MDGA2: variants seen among roughly 807,000 people sequenced by gnomAD.
MDGA2 encodes the protein MAM domain containing glycosylphosphatidylinositol anchor 2.
Under a neutral mutation model 117.8 loss-of-function variants are expected in MDGA2, and 40 were observed. The ratio of observed to expected loss-of-function variants is 0.34; its 90% CI spans 0.26 to 0.44. The LOEUF (loss-of-function observed/expected upper bound fraction) is 0.44, where lower values mean the gene tolerates loss of function less well. Among genes scored for constraint, MDGA2 ranks in the 20% least tolerant of loss-of-function variants. The probability of loss-of-function intolerance (pLI) is 1.00; values close to 1 mark genes in which losing one functional copy is unlikely to be tolerated. For missense variants in MDGA2, 1,123 were observed against 1,250.6 expected (o/e 0.90, Z 1.54); for synonymous variants, 452 against 439.0 (o/e 1.03, Z -0.37).
chr14:47,017,475 T>A (rs1439083276), intron 8 of MDGA2, among the ~76,000 whole-genome samples: 1 of 151,806 alleles, frequency 6.6e-6, no homozygotes, highest in East Asian at 1.9e-4. Flanking sequence ...GATAGAGCCA[T>A]AAAAAGGGAA....
At chr14:47,064,521 A>G (rs1187283323) in intron 6 of MDGA2, among the ~76,000 whole-genome samples, 1 of 152,108 alleles carries the variant, frequency 6.6e-6, no homozygotes, top group African/African-American at 2.4e-5. Flanking sequence ...TACTTAGCTC[A>G]GAAAACTAAG....
At position 46,896,697 on chromosome 14, in the gene MDGA2, T is replaced by C. The variant is rs150391731; in HGVS notation, c.2239-14476A>G. On this transcript the variant is annotated intron_variant, in intron 10 of 16. Coordinates refer to ENST00000399232, the MANE Select transcript of MDGA2 (RefSeq NM_001113498.3). Reference sequence around the variant, plus strand: ...TATACGTTTTCTTTGAGTCTTAGAATATTCAAAATTTAAAATTACCTGAAA... The same window carrying C: ...TATACGTTTTCTTTGAGTCTTAGAACATTCAAAATTTAAAATTACCTGAAA... Among the ~76,000 whole-genome samples, 453 of 152,258 alleles carry C rather than the reference T, an allele frequency of 3.0e-3. 2 individuals are homozygous for C. The highest frequency in any genetic ancestry group is 5.3e-3 in the Non-Finnish European group (359 of 68,004).
intron 8 of MDGA2, among the ~76,000 whole-genome samples, chr14:46,985,776 C>G (rs1250605000): frequency 6.6e-6 from 1 of 152,034 alleles, no homozygotes; most frequent in Non-Finnish European, 1.5e-5. Context: ...TCAAAGAACA[C>G]TTTTACGGAC....
At chr14:47,132,228 A>G (rs1882240042) in intron 4 of MDGA2, among the ~76,000 whole-genome samples, 1 of 151,964 alleles carries the variant, frequency 6.6e-6, no homozygotes, top group Admixed American at 6.6e-5. Context: ...CAAACACTGC[A>G]ATCTATTCAG....
intron 1 of MDGA2, among the ~76,000 whole-genome samples, chr14:47,651,109 A>G (rs752079013): frequency 2.0e-5 from 3 of 152,124 alleles, no homozygotes; most frequent in Non-Finnish European, 4.4e-5. Context: ...TATGTTAACT[A>G]GCCTATGGTA....
chr14:46,988,363 C>T (rs565424919), intron 8 of MDGA2, among the ~76,000 whole-genome samples: 6 of 151,948 alleles, frequency 3.9e-5, no homozygotes, highest in African/African-American at 1.2e-4. Context: ...AATTTTGATT[C>T]GACAACTGAG....
chr14:46,969,731 C>G (rs1886181569), intron 8 of MDGA2, among the ~76,000 whole-genome samples: 1 of 151,008 alleles, frequency 6.6e-6, no homozygotes. Context: ...GGGAATTGAA[C>G]AAGGAGAACA....
chr14:47,253,543 G>A (rs1887516082), intron 2 of MDGA2, among the ~76,000 whole-genome samples: 1 of 152,252 alleles, frequency 6.6e-6, no homozygotes, highest in Non-Finnish European at 1.5e-5. Context: ...GCATGCTGAT[G>A]CAAGAGGTGG....
intron 14 of MDGA2, among the ~76,000 whole-genome samples, chr14:46,864,801 T>C (rs1393330618): frequency 6.6e-6 from 1 of 151,982 alleles, no homozygotes. Context: ...TATTCCCTAA[T>C]ATCTAAATGG....
Position 47,354,123 on chromosome 14 carries a change from C to A in MDGA2, c.281-52573G>T, listed in dbSNP as rs535328326. Among the ~76,000 whole-genome samples, 4 of 152,190 alleles carry A rather than the reference C, an allele frequency of 2.6e-5. No homozygotes were observed. In the South Asian group the frequency reaches 8.3e-4, roughly 32 times the overall value. On this transcript the variant is annotated intron_variant, in intron 1 of 16. Coordinates refer to ENST00000399232, the MANE Select transcript of MDGA2 (RefSeq NM_001113498.3). Reference sequence around the variant, plus strand: ...TCAACATCCTATCATGAGAAAAATTCTCAACAAATTAGGTATAGAAGGAAA... The same window carrying A: ...TCAACATCCTATCATGAGAAAAATTATCAACAAATTAGGTATAGAAGGAAA...
intron 5 of MDGA2, among the ~76,000 whole-genome samples, chr14:47,101,082 T>TAGAA (rs764900061): frequency 4.1e-5 from 4 of 98,742 alleles, no homozygotes; most frequent in East Asian, 6.4e-4. Context: ...GGACGATAGA[T>TAGAA]AGATAGATAG....
chr14:47,101,531 G>T (rs1478901587), intron 5 of MDGA2, among the ~76,000 whole-genome samples: 8 of 152,244 alleles, frequency 5.3e-5, no homozygotes, highest in Admixed American at 3.3e-4. Flanking sequence ...GAGTGTGGCT[G>T]CCTATATAGA....
intron 1 of MDGA2, among the ~76,000 whole-genome samples, chr14:47,459,207 A>C (rs1354823564): frequency 6.6e-6 from 1 of 151,914 alleles, no homozygotes; most frequent in African/African-American, 2.4e-5. Context: ...TGATGGGTGA[A>C]AGGAAAACGA....
chr14:46,919,393 A>C (rs891056347), intron 10 of MDGA2, among the ~76,000 whole-genome samples: 1 of 152,228 alleles, frequency 6.6e-6, no homozygotes, highest in African/African-American at 2.4e-5. Context: ...CCTCCACTTA[A>C]ATTTCAAAAA....
chr14:47,282,947 T>C (rs918144338), intron 2 of MDGA2, among the ~76,000 whole-genome samples: 2 of 152,092 alleles, frequency 1.3e-5, no homozygotes, highest in Non-Finnish European at 2.9e-5. Flanking sequence ...AGATCCTGTC[T>C]TTAATAAATA....
intron 8 of MDGA2, among the ~76,000 whole-genome samples, chr14:47,005,386 A>C (rs1887675329): frequency 6.6e-6 from 1 of 151,564 alleles, no homozygotes. Context: ...TTTTTTCTTC[A>C]GTTTATTAAC....
chr14:47,460,236 G>A (rs1286761833), intron 1 of MDGA2, among the ~76,000 whole-genome samples: 1 of 151,976 alleles, frequency 6.6e-6, no homozygotes, highest in African/African-American at 2.4e-5. Context: ...TACAAACTTT[G>A]ATTCTTTAAA....
At chr14:47,366,708 G>A (rs996719814) in intron 1 of MDGA2, among the ~76,000 whole-genome samples, 3 of 151,554 alleles carry the variant, frequency 2.0e-5, no homozygotes, top group African/African-American at 7.3e-5. Context: ...AGTACAGATT[G>A]AGTACAGTTT....
intron 10 of MDGA2, among the ~76,000 whole-genome samples, chr14:46,897,398 A>C (rs1476317305): frequency 6.6e-6 from 1 of 152,150 alleles, no homozygotes; most frequent in Non-Finnish European, 1.5e-5. Context: ...GTCTTATACA[A>C]AGATGTACAT....
Sources: gnomAD v4.1 joint callset for allele counts (sites outside exome capture counted in the v4.1 genomes callset) on GRCh38, gnomAD v4.1.1 for gene constraint, MANE v1.5 for transcripts, NCBI Gene and HGNC (gene_info 2026-07-23, HGNC 2026-07-21) for gene names.